Variants in UBE2F observed in about 807,000 individuals in gnomAD.
UBE2F encodes ubiquitin conjugating enzyme E2 F (putative), also known as NEDD8-conjugating enzyme UBE2F.
UBE2F carries 5 observed loss-of-function variants against 29.6 expected under a neutral mutation model. The ratio of observed to expected loss-of-function variants is 0.17; its 90% CI spans 0.09 to 0.36. UBE2F has a LOEUF of 0.36. UBE2F is among the 10% of genes least tolerant of loss of function. UBE2F has a pLI of 1.00. For missense variants in UBE2F, 141 were observed against 228.5 expected (o/e 0.62, Z 2.47); for synonymous variants, 66 against 81.8 (o/e 0.81, Z 1.04).
Position 238,032,202 on chromosome 2 carries a change from TG to T in UBE2F, c.412-19del, listed in dbSNP as rs768476084. On this transcript the variant is annotated intron_variant, in intron 7 of 9. Transcript: ENST00000272930. The stretch of plus-strand genomic sequence containing the variant: ...GCACTTTGGCTTAAAACTTGTTTTC[TG>T]TTTTCTTTTTTATTTCAGGATGTCG... The T allele has an allele frequency of 6.2e-7, 1 of 1,610,718 alleles. No homozygotes were observed. The highest frequency in any genetic ancestry group is 8.5e-7 in the Non-Finnish European group (1 of 1,177,172).
intron 4 of UBE2F, among the ~76,000 whole-genome samples, chr2:238,015,018 G>A (rs1433456429): frequency 6.6e-6 from 1 of 152,140 alleles, no homozygotes; most frequent in African/African-American, 2.4e-5. Flanking sequence ...GGGTGATTAA[G>A]CAACCAGTTA....
chr2:238,020,075 A>C (rs1019051837), intron 5 of UBE2F, among the ~76,000 whole-genome samples: 5 of 152,160 alleles, frequency 3.3e-5, no homozygotes, highest in African/African-American at 1.2e-4. Flanking sequence ...CCAGGGGATC[A>C]TTAGGGTGTA....
chr2:237,982,325 C>T lies in UBE2F; in HGVS notation c.119-5638C>T, dbSNP rs771535225. 5.9e-5 allele frequency among the ~76,000 whole-genome samples: 9 copies of T among 152,164 alleles called. No homozygotes were observed. The highest frequency in any genetic ancestry group is 1.0e-4 in the Non-Finnish European group (7 of 68,032). ...TGTTGCCCATTTCTTCCCACTCCTCCGCCCTACCACATCACAGTCTTAGCA... is the reference window on the plus strand; with the variant it reads ...TGTTGCCCATTTCTTCCCACTCCTCTGCCCTACCACATCACAGTCTTAGCA... On this transcript the variant is annotated intron_variant, in intron 2 of 9. Transcript: ENST00000272930. The surrounding 1 kb of genome is among the most constrained non-coding windows in gnomAD (Gnocchi z 4.1).
At chr2:237,984,726 T>A (rs2063444405) in intron 2 of UBE2F, among the ~76,000 whole-genome samples, 1 of 152,226 alleles carries the variant, frequency 6.6e-6, no homozygotes, top group African/African-American at 2.4e-5. Context: ...TTTTTGTTTT[T>A]AATTAATTAG....
rs1215753809 is a variant in UBE2F at position 237,967,331 on chromosome 2, G to C, written c.-17+199G>C. 6.8e-6 allele frequency among the ~76,000 whole-genome samples: 1 copy of C among 146,688 alleles called. No homozygotes were observed. Among genetic ancestry groups the C allele is most frequent in the Non-Finnish European group, 1.5e-5 (1 of 65,942 alleles). On this transcript the variant is annotated intron_variant, in intron 1 of 9. Transcript: ENST00000272930. The surrounding 1 kb of genome is among the most constrained non-coding windows in gnomAD (Gnocchi z 6.3). ...TGAATGGGAAGGGGCCGCGGGCCGC[G>C]GGCCGCGAGCCGGGGGTCGGAGGCG...
At chr2:237,971,543 C>T (rs73613765) in intron 1 of UBE2F, among the ~76,000 whole-genome samples, 3 of 152,234 alleles carry the variant, frequency 2.0e-5, no homozygotes, top group Middle Eastern at 3.4e-3. Flanking sequence ...AGGGTGGTCT[C>T]GGTCTCCTGG....
intron 6 of UBE2F, 102 bp downstream of exon 6, chr2:238,025,514 C>T: frequency 9.1e-7 from 1 of 1,096,302 alleles, no homozygotes; most frequent in South Asian, 1.3e-5. Flanking sequence ...TGAGGCATGG[C>T]CAAGATTAGG....
Position 237,986,819 on chromosome 2 carries a change from CTT to C in UBE2F, c.119-1141_119-1140del, listed in dbSNP as rs996954872. Among the ~76,000 whole-genome samples, 16 of 152,202 alleles carry C rather than the reference CTT, an allele frequency of 1.1e-4. No homozygotes were observed. The East Asian group carries it at 3.1e-3, about 29-fold the overall frequency. The stretch of plus-strand genomic sequence containing the variant: ...GGTACCTGTGTCATAAATTAGTTGA[CTT>C]TTATATGCTTAGGTTTACTTCTGGA... On this transcript the variant is annotated intron_variant, in intron 2 of 9. Coordinates refer to ENST00000272930, the MANE Select transcript of UBE2F (RefSeq NM_080678.3).
intron 5 of UBE2F, among the ~76,000 whole-genome samples, chr2:238,022,175 C>CTTTTTTTTTTTTTT (rs1162304454): frequency 0.015 from 937 of 62,756 alleles, 18 homozygotes; most frequent in East Asian, 0.031. Flanking sequence ...CTTTTCTTTT[C>CTTTTTTTTTTTTTT]TTTTTTTTTT....
intron 4 of UBE2F, among the ~76,000 whole-genome samples, chr2:238,009,122 A>G (rs574950680): frequency 1.3e-5 from 2 of 152,320 alleles, no homozygotes; most frequent in South Asian, 4.1e-4. Flanking sequence ...ACTTTATGCG[A>G]TGTGCATTTT....
At chr2:237,976,940 C>G (rs2063292786) in intron 2 of UBE2F, among the ~76,000 whole-genome samples, 1 of 152,132 alleles carries the variant, frequency 6.6e-6, no homozygotes, top group African/African-American at 2.4e-5. Context: ...TGGGGTAGGA[C>G]AGGCTCTGTG....
At chr2:238,011,092 C>T (rs559259829) in intron 4 of UBE2F, among the ~76,000 whole-genome samples, 2 of 152,324 alleles carry the variant, frequency 1.3e-5, no homozygotes, top group South Asian at 4.1e-4. Context: ...CAACTGGGCT[C>T]CTGCTCTGCG....
intron 5 of UBE2F, among the ~76,000 whole-genome samples, chr2:238,019,754 G>A (rs1253817534): frequency 6.8e-6 from 1 of 146,466 alleles, no homozygotes; most frequent in Admixed American, 7.0e-5. Flanking sequence ...CTGCCACCTG[G>A]ATTCAAGTAA....
At chr2:238,013,344 A>G (rs1213711570) in intron 4 of UBE2F, among the ~76,000 whole-genome samples, 1 of 152,220 alleles carries the variant, frequency 6.6e-6, no homozygotes, top group Non-Finnish European at 1.5e-5. Flanking sequence ...TGGGGGAAAA[A>G]GCAAATATAG....
chr2:237,991,609 C>CTTTTTTTTTTTTTTTTTTTTTTTTTTTTT (rs774476848), intron 3 of UBE2F, among the ~76,000 whole-genome samples: 2 of 53,054 alleles, frequency 3.8e-5, no homozygotes, highest in African/African-American at 7.0e-5. Context: ...TTCTTTCTTT[C>CTTTTTTTTTTTTTTTTTTTTTTTTTTTTT]TTTTTTTTTT....
chr2:238,027,451 A>T (rs189831279), intron 6 of UBE2F, among the ~76,000 whole-genome samples: 1 of 152,184 alleles, frequency 6.6e-6, no homozygotes, highest in Non-Finnish European at 1.5e-5. Context: ...GTGGCTTACC[A>T]CTCACCAGAT....
At chr2:237,994,912 A>T in intron 4 of UBE2F, 103 bp downstream of exon 4, 2 of 802,354 alleles carry the variant, frequency 2.5e-6, no homozygotes, top group Non-Finnish European at 4.2e-6. Flanking sequence ...CTTTTAAAAG[A>T]TTAACACATT....
chr2:238,034,783 A>T (rs2064666748), intron 8 of UBE2F, among the ~76,000 whole-genome samples: 1 of 152,220 alleles, frequency 6.6e-6, no homozygotes, highest in African/African-American at 2.4e-5. Context: ...CCCCAAATTT[A>T]ACATCATTCC....
rs571897184 is a variant in UBE2F, at chr2:238,025,491, T to G, written c.353+79T>G. The G allele has an allele frequency of 7.6e-4, 1,012 of 1,327,490 alleles. 2 individuals are homozygous for G. The highest frequency in any genetic ancestry group is 1.0e-3 in the Non-Finnish European group (940 of 941,664). 82.2% of individuals were successfully genotyped at this position (1,327,490 alleles called of 1,614,324 possible). The stretch of plus-strand genomic sequence containing the variant: ...TTGGGCTTTTAAACATGTTGTCTCC[T>G]CTGAAAAGATTTTGAGGCATGGCCA... On this transcript the variant is annotated intron_variant, in intron 6 of 9. Coordinates refer to ENST00000272930, the MANE Select transcript of UBE2F (RefSeq NM_080678.3).
Sources: allele counts gnomAD v4.1 joint callset (sites outside exome capture counted in the v4.1 genomes callset), GRCh38; gene constraint gnomAD v4.1.1; non-coding constraint Gnocchi (gnomAD v3.1); transcripts MANE v1.5; gene names NCBI Gene and HGNC (gene_info 2026-07-23, HGNC 2026-07-21).